The following TAFA5 variants were observed in gnomAD, a reference collection of about 807,000 sequenced individuals.
TAFA5 encodes the protein TAFA chemokine like family member 5, also known as chemokine-like protein TAFA-5.
TAFA5 carries 6 observed loss-of-function variants against 15.3 expected under a neutral mutation model. The observed-to-expected ratio is 0.39, with a 90% CI of 0.21 to 0.77. TAFA5 has a LOEUF of 0.77. TAFA5 is among the 30% of genes least tolerant of loss of function. The probability of loss-of-function intolerance (pLI) is 0.41; values close to 1 mark genes in which losing one functional copy is unlikely to be tolerated. For synonymous variants in TAFA5, 103 were observed against 80.7 expected, an observed-to-expected ratio of 1.28 and a Z score of -1.48; for missense variants, 161 against 193.1, an observed-to-expected ratio of 0.83 and a Z score of 0.98.
At chr22:48,674,988 T>C (rs1927926923) in intron 2 of TAFA5, among the ~76,000 whole-genome samples, 1 of 151,518 alleles carries the variant, frequency 6.6e-6, no homozygotes, top group Non-Finnish European at 1.5e-5. Flanking sequence ...TCACCCAGGC[T>C]TGGAGTGCAG....
In TAFA5 at chr22:48,552,366, CCTT is replaced by C. The variant is rs1922885848; in HGVS notation, c.112+62665_112+62667del. ...CTGATGGGCTGAAGCCCTCAGGAAA[CCTT>C]CTCAGGGGGTCCCGTTTAGGAAACA... On this transcript the variant is annotated intron_variant, in intron 1 of 3. Transcript: ENST00000402357. This position sits in a 1 kb window ranked among gnomAD's most constrained non-coding sequence, Gnocchi z 4.1. 6.6e-6 allele frequency among the ~76,000 whole-genome samples: 1 copy of C among 152,116 alleles called. No homozygotes were observed. The highest frequency in any genetic ancestry group is 6.5e-5 in the Admixed American group (1 of 15,280).
chr22:48,741,229 G>A (rs924365684), intron 3 of TAFA5, among the ~76,000 whole-genome samples: 4 of 152,064 alleles, frequency 2.6e-5, no homozygotes, highest in Admixed American at 6.5e-5. Context: ...CCCACACTGC[G>A]AAGCCGGAGT....
At chr22:48,536,418 T>G (rs1303617537) in intron 1 of TAFA5, among the ~76,000 whole-genome samples, 6 of 152,224 alleles carry the variant, frequency 3.9e-5, no homozygotes. Flanking sequence ...CTTTCAGCCC[T>G]GACAGCGTGT....
chr22:48,638,805 CA>C (rs928038132), intron 1 of TAFA5, among the ~76,000 whole-genome samples: 1 of 144,514 alleles, frequency 6.9e-6, no homozygotes, highest in East Asian at 2.1e-4. Context: ...TCACCGCACA[CA>C]GGGGGGACCC....
intron 1 of TAFA5, among the ~76,000 whole-genome samples, chr22:48,590,184 G>A (rs1924512383): frequency 6.6e-6 from 1 of 152,150 alleles, no homozygotes; most frequent in South Asian, 2.1e-4. Flanking sequence ...TGCCACGGAG[G>A]CGAGGGCCCT....
At chr22:48,532,755 G>A (rs1922016709) in intron 1 of TAFA5, among the ~76,000 whole-genome samples, 1 of 152,192 alleles carries the variant, frequency 6.6e-6, no homozygotes, top group African/African-American at 2.4e-5. Context: ...GAAGGACCCG[G>A]GCCACTTCTG....
At chr22:48,649,800 A>G (rs970848481) in intron 2 of TAFA5, among the ~76,000 whole-genome samples, 4 of 152,178 alleles carry the variant, frequency 2.6e-5, no homozygotes. Context: ...TGCACGGCCA[A>G]GGAGTTCACA....
chr22:48,615,435 C>T (rs1478134926), intron 1 of TAFA5, among the ~76,000 whole-genome samples: 1 of 152,200 alleles, frequency 6.6e-6, no homozygotes, highest in East Asian at 1.9e-4. Flanking sequence ...CGAGGACGCT[C>T]TGTCCGTGTT....
At chr22:48,688,045 T>G (rs527305086) in intron 2 of TAFA5, among the ~76,000 whole-genome samples, 1 of 152,090 alleles carries the variant, frequency 6.6e-6, no homozygotes, top group East Asian at 1.9e-4. Context: ...AATGAAATAA[T>G]GAAACAGGTA....
intron 1 of TAFA5, among the ~76,000 whole-genome samples, chr22:48,541,468 T>C (rs555722862): frequency 6.6e-6 from 1 of 152,300 alleles, no homozygotes; most frequent in East Asian, 1.9e-4. Flanking sequence ...TCATTCTTTG[T>C]GGAGTCTGCC....
intron 1 of TAFA5, among the ~76,000 whole-genome samples, chr22:48,640,213 C>G (rs1370485633): frequency 6.6e-6 from 1 of 152,194 alleles, no homozygotes; most frequent in African/African-American, 2.4e-5. Context: ...GAGGCTAGAT[C>G]TGGCCCTCAG....
At chr22:48,536,775 G>T (rs993032465) in intron 1 of TAFA5, among the ~76,000 whole-genome samples, 1 of 152,238 alleles carries the variant, frequency 6.6e-6, no homozygotes, top group African/African-American at 2.4e-5. Flanking sequence ...CATGCACACG[G>T]CAGTGGCTTT....
At chr22:48,691,623 C>T (rs1041113015) in intron 2 of TAFA5, among the ~76,000 whole-genome samples, 9 of 152,220 alleles carry the variant, frequency 5.9e-5, no homozygotes, top group Non-Finnish European at 8.8e-5. Flanking sequence ...CTTCTTCTGC[C>T]CCTGCTGCAG....
At chr22:48,646,568 C>G (rs141204513) in intron 1 of TAFA5, 29 bp from the exon 2 acceptor site, 3 of 1,608,570 alleles carry the variant, frequency 1.9e-6, no homozygotes, top group Non-Finnish European at 2.5e-6. Flanking sequence ...AACGTGTGGC[C>G]GCTCAGTCGC....
intron 1 of TAFA5, among the ~76,000 whole-genome samples, chr22:48,644,782 C>T (rs1459244967): frequency 6.6e-6 from 1 of 152,200 alleles, no homozygotes; most frequent in Admixed American, 6.5e-5. Context: ...TGCTGGAGAG[C>T]ACCCGGGCAT....
chr22:48,674,053 CCT>C (rs1360214957), intron 2 of TAFA5, among the ~76,000 whole-genome samples: 7 of 123,972 alleles, frequency 5.6e-5, no homozygotes, highest in African/African-American at 8.1e-5. Context: ...CATCTGGACT[CCT>C]CTGCCCGCCT....
intron 1 of TAFA5, among the ~76,000 whole-genome samples, chr22:48,523,446 T>A (rs959522745): frequency 6.6e-6 from 1 of 152,244 alleles, no homozygotes. Context: ...ATCTCCTGGC[T>A]GTTGGCTACT....
intron 1 of TAFA5, among the ~76,000 whole-genome samples, chr22:48,601,783 C>A (rs903580495): frequency 2.0e-5 from 3 of 152,198 alleles, no homozygotes; most frequent in African/African-American, 4.8e-5. Context: ...GCACACACAC[C>A]CCACGCCATC....
intron 2 of TAFA5, among the ~76,000 whole-genome samples, chr22:48,679,190 T>C (rs111166639): frequency 3.6e-4 from 7 of 19,218 alleles, no homozygotes; most frequent in Admixed American, 1.6e-3. Context: ...CCCGGCTCCC[T>C]GTCCATCCCT....
Sources: allele counts gnomAD v4.1 joint callset (sites outside exome capture counted in the v4.1 genomes callset), GRCh38; gene constraint gnomAD v4.1.1; non-coding constraint Gnocchi (gnomAD v3.1); transcripts MANE v1.5; gene names NCBI Gene and HGNC (gene_info 2026-07-23, HGNC 2026-07-21).